SYNE2: variants seen among roughly 807,000 people sequenced by gnomAD.
SYNE2 encodes nesprin-2.
In SYNE2, 431 loss-of-function variants were observed where a neutral mutation model predicts 856.3. The ratio of observed to expected loss-of-function variants is 0.50; its 90% CI spans 0.47 to 0.55. The LOEUF is 0.55. Ranked by LOEUF, SYNE2 falls within the 20% of genes least tolerant of loss-of-function variation. The probability of loss-of-function intolerance (pLI) is 0.00; values close to 1 mark genes in which losing one functional copy is unlikely to be tolerated. For synonymous variants in SYNE2, 2,923 were observed against 2,872.3 expected (o/e 1.02, Z -0.56); for missense variants, 8,129 against 8,023.2 (o/e 1.01, Z -0.50).
chr14:64,077,114 C>G (rs558365229), intron 54 of SYNE2, among the ~76,000 whole-genome samples: 2 of 151,942 alleles, frequency 1.3e-5, no homozygotes, highest in Non-Finnish European at 2.9e-5. Context: ...AGAAAATTTC[C>G]GCTATGACCC....
chr14:64,056,326 A>G, intron 49 of SYNE2, 60 bp downstream of exon 49: 1 of 1,315,318 alleles, frequency 7.6e-7, no homozygotes, highest in Non-Finnish European at 1.0e-6. Context: ...AGATATAATT[A>G]AACTATATTT....
chr14:63,783,337 G>A (rs989169971), intron 1 of SYNE2, among the ~76,000 whole-genome samples: 6 of 152,126 alleles, frequency 3.9e-5, no homozygotes, highest in African/African-American at 1.4e-4. Context: ...GGGAAACTGT[G>A]AGTCAATCCC....
At position 63,921,722 on chromosome 14, in the gene SYNE2, A is replaced by AG. The variant is rs559359860; in HGVS notation, c.79+12497dup. ...TATATAAGTGGCCTAGGTGAGAATT[A>AG]GGTAGTGTTTGGGGCAGCCCAGTTT... On this transcript the variant is annotated intron_variant, in intron 2 of 115. Transcript: ENST00000555002. 5.9e-5 allele frequency among the ~76,000 whole-genome samples: 9 copies of AG among 152,326 alleles called. No individual in the cohort carries two copies. In the South Asian group the frequency reaches 1.9e-3, roughly 32 times the overall value.
intron 85 of SYNE2, among the ~76,000 whole-genome samples, chr14:64,153,070 C>T (rs61987290): frequency 0.18 from 26,757 of 152,160 alleles, 2,597 homozygotes; most frequent in Middle Eastern, 0.27. Flanking sequence ...GCAGTGTCTC[C>T]ATGTACAGGG....
chr14:64,082,148 G>C (rs565988881), intron 57 of SYNE2, among the ~76,000 whole-genome samples: 1 of 152,082 alleles, frequency 6.6e-6, no homozygotes, highest in African/African-American at 2.4e-5. Flanking sequence ...ATTCTAAGAT[G>C]CCCCCCAATA....
intron 84 of SYNE2, among the ~76,000 whole-genome samples, chr14:64,147,693 C>G (rs2098199520): frequency 6.6e-6 from 1 of 152,202 alleles, no homozygotes; most frequent in African/African-American, 2.4e-5. Flanking sequence ...CTAAGTTCAG[C>G]AAAGCCTCTC....
rs112054742 is a variant in SYNE2 at position 64,047,029 on chromosome 14, A to C, written c.7222-971A>C. On this transcript the variant is annotated intron_variant, in intron 45 of 115. Transcript: ENST00000555002. ...GCAGTTGCCCTCCACCAGCAAAGGCAAAGGGCTGGTGTAACAGCCTTTCTG... is the reference window on the plus strand; with the variant it reads ...GCAGTTGCCCTCCACCAGCAAAGGCCAAGGGCTGGTGTAACAGCCTTTCTG... Among the ~76,000 whole-genome samples, 858 of 152,358 alleles carry C rather than the reference A, an allele frequency of 5.6e-3. 7 individuals carry two copies. Among genetic ancestry groups the C allele is most frequent in the African/African-American group, 0.02 (817 of 41,584 alleles).
intron 112 of SYNE2, 35 bp from the exon 113 acceptor site, chr14:64,223,154 C>A: frequency 6.2e-7 from 1 of 1,611,360 alleles, no homozygotes; most frequent in East Asian, 2.2e-5. Context: ...TCCCTTTGGA[C>A]AGGTCACTGT....
intron 74 of SYNE2, 64 bp downstream of exon 74, chr14:64,128,617 G>A (rs548704172): frequency 3.9e-5 from 39 of 1,000,824 alleles, no homozygotes; most frequent in South Asian, 7.6e-5. Flanking sequence ...CATATAAGCC[G>A]TGCTTCTGAA....
In SYNE2 at chr14:64,023,914, C is replaced by T. The variant is rs550399203; in HGVS notation, c.5638-343C>T. ...AACAATTGATGCCCAAACCTTGAAA[C>T]GTAAACATTGAGATAAAATTCTTAT... is the stretch of plus-strand genomic sequence containing the variant. On this transcript the variant is annotated intron_variant, in intron 38 of 115. Transcript: ENST00000555002. 101 of 292,800 alleles carry T rather than the reference C, an allele frequency of 3.4e-4. 1 individual carries two copies. Among genetic ancestry groups the T allele is most frequent in the South Asian group, 3.4e-3 (96 of 27,900 alleles). The allele number at this position is 292,800 out of a possible 1,614,324, so 18.1% of individuals were successfully genotyped here. A position where few individuals can be genotyped will look rare whatever the true frequency, so the allele number is the denominator to read the frequency against.
At position 63,827,625 on chromosome 14, in the gene SYNE2, C is replaced by CAAAAAAAAAAAAAAAAAAAAAAA. The variant is rs11334415; in HGVS notation, c.-304-24867_-304-24845dup. 1.4e-3 allele frequency among the ~76,000 whole-genome samples: 39 copies of CAAAAAAAAAAAAAAAAAAAAAAA among 28,402 alleles called. 1 individual carries two copies. Among genetic ancestry groups the CAAAAAAAAAAAAAAAAAAAAAAA allele is most frequent in the East Asian group, 0.01 (5 of 492 alleles). The allele number at this position is 28,402 out of a possible 152,430, so 18.6% of individuals were successfully genotyped here. A position where few individuals can be genotyped will look rare whatever the true frequency, so the allele number is the denominator to read the frequency against. On this transcript the variant is annotated intron_variant, in intron 1 of 23. Coordinates refer to the SYNE2 transcript ENST00000674003. ...GGGCAACAAGATTGAAACTCTGTCT[C>CAAAAAAAAAAAAAAAAAAAAAAA]AAAAAAAAAAAAAAAAAAAAAAAAA...
At chr14:63,864,698 C>A (rs551767365) in intron 1 of SYNE2, among the ~76,000 whole-genome samples, 337 of 152,264 alleles carry the variant, frequency 2.2e-3, no homozygotes, top group Non-Finnish European at 4.1e-3. Context: ...CCTTCCAAAT[C>A]ATTTCTTTTC....
intron 31 of SYNE2, among the ~76,000 whole-genome samples, chr14:64,007,627 A>G (rs1258261608): frequency 1.3e-5 from 2 of 152,206 alleles, no homozygotes; most frequent in East Asian, 3.8e-4. Context: ...CTGTAATCCC[A>G]GCACTTTGTG....
chr14:64,183,024 C>CT (rs1458996894), intron 96 of SYNE2, among the ~76,000 whole-genome samples: 3 of 148,918 alleles, frequency 2.0e-5, no homozygotes, highest in African/African-American at 7.4e-5. Context: ...GGGCTGCCCC[C>CT]GCCTCCCTCC....
At chr14:64,123,943 G>A (rs10137600) in intron 70 of SYNE2, among the ~76,000 whole-genome samples, 7,482 of 147,620 alleles carry the variant, frequency 0.051, 236 homozygotes, top group African/African-American at 0.07. Flanking sequence ...AGTGGCTCAC[G>A]CCTATAATCC....
chr14:63,897,799 C>G (rs540106679), intron 1 of SYNE2, among the ~76,000 whole-genome samples: 134 of 152,302 alleles, frequency 8.8e-4, no homozygotes, highest in African/African-American at 3.1e-3. Flanking sequence ...TCCCCCTGCT[C>G]CTGCTCCCAG....
At chr14:63,974,768 G>A (rs60424705) in intron 11 of SYNE2, among the ~76,000 whole-genome samples, 6 of 121,724 alleles carry the variant, frequency 4.9e-5, no homozygotes, top group South Asian at 2.6e-4. Context: ...ACGTGTGTGT[G>A]TATATATATA....
intron 99 of SYNE2, among the ~76,000 whole-genome samples, chr14:64,200,502 A>G (rs899161965): frequency 6.6e-6 from 1 of 152,194 alleles, no homozygotes; most frequent in Admixed American, 6.5e-5. Context: ...TTTTGGAACC[A>G]GGGCAATCAA....
At chr14:64,016,449 A>T (rs2096892761) in intron 32 of SYNE2, 24 bp from the exon 33 acceptor site, 2 of 1,486,472 alleles carry the variant, frequency 1.3e-6, no homozygotes, top group African/African-American at 2.8e-5. Flanking sequence ...AATATCAGAA[A>T]TAACTTTCAT....
Sources: allele counts gnomAD v4.1 joint callset (sites outside exome capture counted in the v4.1 genomes callset), GRCh38; gene constraint gnomAD v4.1.1; transcripts MANE v1.5; gene names NCBI Gene and HGNC (gene_info 2026-07-23, HGNC 2026-07-21).